Variants in ZNF521 observed in about 807,000 individuals in gnomAD.
ZNF521 encodes the protein zinc finger protein 521, also known as LYST-interacting protein 3.
A neutral mutation model predicts 105.5 loss-of-function variants in ZNF521; 14 were observed. The ratio of observed to expected loss-of-function variants is 0.13; its 90% CI spans 0.09 to 0.21. The LOEUF (loss-of-function observed/expected upper bound fraction) is 0.21, where lower values mean the gene tolerates loss of function less well. ZNF521 is among the 10% of genes least tolerant of loss of function. The pLI, the probability that ZNF521 is intolerant of heterozygous loss-of-function variation, is 1.00. For synonymous variants in ZNF521, 635 were observed against 606.0 expected (o/e 1.05, Z -0.70); for missense variants, 1,233 against 1,629.7 (o/e 0.76, Z 4.19).
chr18:25,146,893 C>A (rs2034955232), intron 5 of ZNF521, among the ~76,000 whole-genome samples: 1 of 152,082 alleles, frequency 6.6e-6, no homozygotes, highest in African/African-American at 2.4e-5. Flanking sequence ...ATATCCTATG[C>A]TCCTTGATAG....
At chr18:25,079,764 T>C (rs949128790) in intron 7 of ZNF521, among the ~76,000 whole-genome samples, 31 of 152,174 alleles carry the variant, frequency 2.0e-4, no homozygotes, top group Non-Finnish European at 4.4e-5. Context: ...TCATGAATTA[T>C]AACTGAGTAT....
intron 4 of ZNF521, among the ~76,000 whole-genome samples, chr18:25,208,308 A>G (rs985312355): frequency 5.3e-5 from 8 of 152,340 alleles, no homozygotes; most frequent in Middle Eastern, 3.4e-3. Flanking sequence ...CTTGCCACAC[A>G]TTTGAAACTC....
chr18:25,217,295 G>A (rs1037130718), intron 4 of ZNF521, among the ~76,000 whole-genome samples: 15 of 152,184 alleles, frequency 9.9e-5, no homozygotes, highest in Admixed American at 6.5e-5. Context: ...TTGCAGCCTA[G>A]ACTAAAATTC....
At chr18:25,128,060 T>C (rs773135076) in intron 5 of ZNF521, among the ~76,000 whole-genome samples, 2 of 151,776 alleles carry the variant, frequency 1.3e-5, no homozygotes, top group Non-Finnish European at 2.9e-5. Context: ...TGAACACAGA[T>C]GAAAAATATT....
At chr18:25,262,583 G>C (rs1390096971) in intron 3 of ZNF521, among the ~76,000 whole-genome samples, 1 of 152,182 alleles carries the variant, frequency 6.6e-6, no homozygotes, top group African/African-American at 2.4e-5. Context: ...GAGAAAAACA[G>C]AATCTCTGCC....
At chr18:25,224,164 C>T (rs973765640) in intron 4 of ZNF521, 181 bp downstream of exon 4, 3 of 632,302 alleles carry the variant, frequency 4.7e-6, no homozygotes. Context: ...AGCCAAAATG[C>T]TGCTTATCAA....
At chr18:25,186,702 C>T (rs2035727894) in intron 5 of ZNF521, among the ~76,000 whole-genome samples, 1 of 152,014 alleles carries the variant, frequency 6.6e-6, no homozygotes, top group African/African-American at 2.4e-5. Flanking sequence ...TTATCCAAGT[C>T]TTCCACCTCC....
chr18:25,285,718 ACACACACACACACGTACGCGCCTG>A (rs1568056132), intron 3 of ZNF521, among the ~76,000 whole-genome samples: 1 of 152,024 alleles, frequency 6.6e-6, no homozygotes, highest in African/African-American at 2.4e-5. Flanking sequence ...ACACACACAC[ACACACACACACACGTACGCGCCTG>A]CGCGCGCACA....
At chr18:25,283,173 C>T (rs2144996071) in intron 3 of ZNF521, among the ~76,000 whole-genome samples, 1 of 152,350 alleles carries the variant, frequency 6.6e-6, no homozygotes, top group Non-Finnish European at 1.5e-5. Flanking sequence ...CACCTCCACT[C>T]ACTATCTTTT....
chr18:25,127,737 T>TTATAGTCA lies in ZNF521; in HGVS notation c.3659-35664_3659-35657dup, dbSNP rs572239049. ...TTTTGAAGAGCATGCACGGACTGTT[T>TTATAGTCA]TATAGTCATGTTTGTGAGTTTAAGA... On this transcript the variant is annotated intron_variant, in intron 5 of 7. Transcript: ENST00000361524. Among the ~76,000 whole-genome samples the TTATAGTCA allele has an allele frequency of 6.6e-4, 101 of 152,126 alleles. 1 individual carries two copies. The highest frequency in any genetic ancestry group is 2.3e-3 in the African/African-American group (97 of 41,548).
intron 3 of ZNF521, among the ~76,000 whole-genome samples, chr18:25,241,315 T>C (rs1039568679): frequency 6.6e-5 from 10 of 152,188 alleles, no homozygotes; most frequent in African/African-American, 2.4e-4. Context: ...TTATCAGAAT[T>C]GTATTTGAAT....
At chr18:25,309,769 G>A (rs536866005) in intron 3 of ZNF521, among the ~76,000 whole-genome samples, 2 of 151,900 alleles carry the variant, frequency 1.3e-5, no homozygotes, top group Non-Finnish European at 2.9e-5. Flanking sequence ...ATTATGAGGG[G>A]GAACAGTTTT....
chr18:25,308,231 C>A (rs1912091131), intron 3 of ZNF521, among the ~76,000 whole-genome samples: 1 of 150,134 alleles, frequency 6.7e-6, no homozygotes, highest in Non-Finnish European at 1.5e-5. Flanking sequence ...CGTGGATACC[C>A]CAGCCCCATC....
intron 2 of ZNF521, among the ~76,000 whole-genome samples, chr18:25,349,449 C>G (rs973199859): frequency 6.6e-6 from 1 of 152,228 alleles, no homozygotes; most frequent in African/African-American, 2.4e-5. Flanking sequence ...ACCTCGTTCC[C>G]GAACTAAAAC....
intron 5 of ZNF521, among the ~76,000 whole-genome samples, chr18:25,120,582 T>TA (rs796811110): frequency 8.8e-5 from 1 of 11,366 alleles, no homozygotes; most frequent in African/African-American, 1.6e-4. Context: ...AAACTCCATC[T>TA]AAAAAAAAAA....
intron 5 of ZNF521, among the ~76,000 whole-genome samples, chr18:25,186,778 C>G (rs1467817382): frequency 2.0e-5 from 3 of 151,848 alleles, no homozygotes; most frequent in Non-Finnish European, 2.9e-5. Context: ...GCCCAGAGAA[C>G]TCCAGTGAAG....
intron 3 of ZNF521, among the ~76,000 whole-genome samples, chr18:25,316,068 A>G (rs533036014): frequency 1.3e-4 from 20 of 152,284 alleles, no homozygotes; most frequent in African/African-American, 3.9e-4. Context: ...GTTCATCAAA[A>G]AGTCTTCAGG....
Position 25,226,044 on chromosome 18 carries a change from C to T in ZNF521, c.1874G>A (p.Gly625Asp). Residue 625 changes from glycine to aspartate, a missense_variant, in exon 4 of 8, where the codon GGT becomes GAT. By Grantham distance (94) the Gly-to-Asp change is moderately conservative (BLOSUM62 -1). This residue lies in a region of ZNF521 where 614 missense variants were observed against 751.5 expected (regional missense o/e 0.82). Coordinates refer to ENST00000361524, the MANE Select transcript of ZNF521 (RefSeq NM_015461.3). This position sits in a 1 kb window ranked among gnomAD's most constrained non-coding sequence, Gnocchi z 4.1. ...TSLKMMQAVG[G>D]APARPTGEYI... ...TTCTCCAGTGGGACGTGCAGGTGCA[C>T]CTCCTACTGCCTGCATCATCTTAAG... 2 of 1,614,154 alleles carry T rather than the reference C, an allele frequency of 1.2e-6. No individual in the cohort carries two copies. Among genetic ancestry groups the T allele is most frequent in the South Asian group, 1.1e-5 (1 of 91,086 alleles).
intron 3 of ZNF521, among the ~76,000 whole-genome samples, chr18:25,283,208 G>A (rs979317449): frequency 6.6e-6 from 1 of 152,136 alleles, no homozygotes; most frequent in African/African-American, 2.4e-5. Flanking sequence ...CTTCCACCAG[G>A]CCCCTCACTT....
Sources: allele counts gnomAD v4.1 joint callset (sites outside exome capture counted in the v4.1 genomes callset), GRCh38; gene constraint gnomAD v4.1.1; regional missense constraint gnomAD v4.1.1; non-coding constraint Gnocchi (gnomAD v3.1); transcripts MANE v1.5; gene names NCBI Gene and HGNC (gene_info 2026-07-23, HGNC 2026-07-21).